The following CTDSP2 variants were observed in gnomAD, a reference collection of about 807,000 sequenced individuals.
CTDSP2 encodes carboxy-terminal domain RNA polymerase II polypeptide A small phosphatase 2.
CTDSP2 carries 9 observed loss-of-function variants against 31.6 expected under a neutral mutation model. The ratio of observed to expected loss-of-function variants is 0.28; its 90% CI spans 0.17 to 0.50. The LOEUF (loss-of-function observed/expected upper bound fraction) is 0.50. Ranked by LOEUF, CTDSP2 falls within the 20% of genes least tolerant of loss-of-function variation. CTDSP2 has a pLI of 0.98. For synonymous variants in CTDSP2, 134 were observed against 134.5 expected (o/e 1.00, Z 0.03); for missense variants, 267 against 348.5 (o/e 0.77, Z 1.86).
chr12:57,827,471 A>G, intron 3 of CTDSP2, 81 bp downstream of exon 3: 6 of 1,484,114 alleles, frequency 4.0e-6, no homozygotes, highest in Non-Finnish European at 5.6e-6. Context: ...ACCAAGGACT[A>G]TGCACATCAC....
intron 1 of CTDSP2, among the ~76,000 whole-genome samples, chr12:57,839,402 A>G (rs1205397567): frequency 6.6e-6 from 1 of 152,162 alleles, no homozygotes; most frequent in Non-Finnish European, 1.5e-5. Context: ...CACCTGAATC[A>G]TGAACTCAAA....
chr12:57,827,503 G>T lies in CTDSP2; in HGVS notation c.252+49C>A, dbSNP rs374269806. 12 of 1,602,814 alleles carry T rather than the reference G, an allele frequency of 7.5e-6. No homozygotes were observed. In the African/African-American group the frequency reaches 1.5e-4, roughly 20 times the overall value. On this transcript the variant is annotated intron_variant, in intron 3 of 7. Transcript: ENST00000398073. Reference sequence around the variant, plus strand: ...TCACCCTGCCCGTGGAGCTGGCAGGGATCACAGGATCCTGGCTTCTGAGTA... The same window carrying T: ...TCACCCTGCCCGTGGAGCTGGCAGGTATCACAGGATCCTGGCTTCTGAGTA...
Position 57,846,662 on chromosome 12 carries a change from T to TC in CTDSP2, c.-228dup. ...CTCCCCCGGGTGCCCCCGGCCCCGA[T>TC]CCCCCAGCGGCAGCTCCGGGCTCCT... On this transcript the variant is annotated 5_prime_UTR_variant, in exon 1 of 8. Coordinates refer to ENST00000398073, the MANE Select transcript of CTDSP2 (RefSeq NM_005730.4). 1 of 441,906 alleles carries TC rather than the reference T, an allele frequency of 2.3e-6. No homozygotes were observed. Among genetic ancestry groups the TC allele is most frequent in the East Asian group, 3.9e-5 (1 of 25,578 alleles). The allele number at this position is 441,906 out of a possible 1,614,324, so 27.4% of individuals were successfully genotyped here.
rs1956168994 is a variant in CTDSP2, at chr12:57,824,319, C to CT, written c.412-1_412insA (p.Val138SerfsTer11). ...ACATAAGGCCTCTTGAGCACATACA[C>CT]CTGAGGAAGAGCAGAGCAGCCTGTT... On this transcript the variant is annotated frameshift_variant and splice_region_variant. Transcript: ENST00000398073. LOFTEE classifies it high-confidence loss of function. The CT allele has an allele frequency of 6.2e-7, 1 of 1,612,696 alleles. No homozygotes were observed. The highest frequency in any genetic ancestry group is 1.1e-5 in the South Asian group (1 of 91,038).
chr12:57,840,332 G>A (rs924052943), intron 1 of CTDSP2, among the ~76,000 whole-genome samples: 14 of 152,324 alleles, frequency 9.2e-5, no homozygotes, highest in African/African-American at 3.1e-4. Context: ...GGGCTAGAAG[G>A]CAATTCAGCC....
At chr12:57,842,193 C>T (rs758143681) in intron 1 of CTDSP2, 3 of 152,156 alleles carry the variant, frequency 2.0e-5, no homozygotes, top group Admixed American at 6.5e-5. Flanking sequence ...TACACACAAT[C>T]CCATATATAT....
chr12:57,824,370 G>T, intron 5 of CTDSP2, 51 bp from the exon 6 acceptor site: 1 of 1,326,072 alleles, frequency 7.5e-7, no homozygotes, highest in Non-Finnish European at 1.1e-6. Flanking sequence ...ATGAAGGTTT[G>T]CAGTACTGGG....
In CTDSP2 at chr12:57,821,561, C is replaced by G. The variant is rs1305750784; in HGVS notation, c.*2041G>C. On this transcript the variant is annotated 3_prime_UTR_variant, in exon 8 of 8. Transcript: ENST00000398073. ...CAAAAGATTTGGCCAAGGGCTAACC[C>G]TTAGGGTGGGGCTTGGAAGAGAGGC... 1 of 152,634 alleles carries G rather than the reference C, an allele frequency of 6.6e-6. No homozygotes were observed. Among genetic ancestry groups the G allele is most frequent in the African/African-American group, 2.4e-5 (1 of 41,468 alleles). The allele number at this position is 152,634 out of a possible 1,614,324, so 9.5% of individuals were successfully genotyped here. A position where few individuals can be genotyped will look rare whatever the true frequency, so the allele number is the denominator to read the frequency against.
chr12:57,840,993 T>C (rs754943736), intron 1 of CTDSP2, among the ~76,000 whole-genome samples: 2 of 152,184 alleles, frequency 1.3e-5, no homozygotes, highest in Non-Finnish European at 2.9e-5. Flanking sequence ...GAAACTCCAT[T>C]CTATTTGGTC....
intron 5 of CTDSP2, among the ~76,000 whole-genome samples, chr12:57,825,183 C>T (rs1417335170): frequency 3.3e-5 from 5 of 152,108 alleles, no homozygotes; most frequent in Non-Finnish European, 5.9e-5. Context: ...GCATTACTCC[C>T]GAGCTCAAAG....
chr12:57,824,525 A>T, intron 5 of CTDSP2: 1 of 665,576 alleles, frequency 1.5e-6, no homozygotes, highest in Non-Finnish European at 2.8e-6. Flanking sequence ...CCAATGGATC[A>T]GTGGTCCCAA....
At chr12:57,842,931 GATAACAAAAGAGCTAGCC>G (rs375291954) in intron 1 of CTDSP2, among the ~76,000 whole-genome samples, 87 of 152,312 alleles carry the variant, frequency 5.7e-4, no homozygotes, top group African/African-American at 2.0e-3. Flanking sequence ...CCCTTATGCG[GATAACAAAAGAGCTAGCC>G]ATCCTGAAAA....
rs1956159989 is a variant in CTDSP2, at chr12:57,823,338, C to A, written c.*264G>T. On this transcript the variant is annotated 3_prime_UTR_variant, in exon 8 of 8. Coordinates refer to ENST00000398073, the MANE Select transcript of CTDSP2 (RefSeq NM_005730.4). ...AACACTATACACTGGGGCCACAGTTCATGGCAAAACACACACACAAACACA... is the reference window on the plus strand; with the variant it reads ...AACACTATACACTGGGGCCACAGTTAATGGCAAAACACACACACAAACACA... The A allele has an allele frequency of 2.0e-6, 1 of 502,024 alleles. No homozygotes were observed. The highest frequency in any genetic ancestry group is 3.6e-6 in the Non-Finnish European group (1 of 274,704). The allele number at this position is 502,024 out of a possible 1,614,324, so 31.1% of individuals were successfully genotyped here.
At position 57,824,315 on chromosome 12, in the gene CTDSP2, T is replaced by C. The variant is rs1441506759; in HGVS notation, c.416A>G (p.Tyr139Cys). 6.2e-7 allele frequency: 1 copy of C among 1,613,192 alleles called. No individual in the cohort carries two copies. Reference sequence around the variant, plus strand: ...ATCCACATAAGGCCTCTTGAGCACATACACCTGAGGAAGAGCAGAGCAGCC... The same window carrying C: ...ATCCACATAAGGCCTCTTGAGCACACACACCTGAGGAAGAGCAGAGCAGCC... ...IEIEGTTHQV[Y>C]VLKRPYVDEF... The change falls in exon 6 of 8, where the codon TAT becomes TGT. Residue 139 changes from tyrosine (Y) to cysteine (C), a missense_variant. Physicochemically the swap from Tyr to Cys is radical, Grantham distance 194. Coordinates refer to ENST00000398073, the MANE Select transcript of CTDSP2 (RefSeq NM_005730.4).
chr12:57,843,113 T>C (rs1378882315), intron 1 of CTDSP2, among the ~76,000 whole-genome samples: 1 of 152,132 alleles, frequency 6.6e-6, no homozygotes, highest in African/African-American at 2.4e-5. Flanking sequence ...AAAAAATCTC[T>C]GATTCCTCCA....
chr12:57,841,774 G>A (rs1303143801), intron 1 of CTDSP2, among the ~76,000 whole-genome samples: 1 of 152,198 alleles, frequency 6.6e-6, no homozygotes, highest in African/African-American at 2.4e-5. Context: ...GTCCTTGGGG[G>A]AATGGAGGAG....
At chr12:57,830,072 G>A (rs150861941) in intron 1 of CTDSP2, among the ~76,000 whole-genome samples, 4 of 152,272 alleles carry the variant, frequency 2.6e-5, no homozygotes, top group Non-Finnish European at 5.9e-5. Context: ...AGGCAGAACG[G>A]AGCCCAATTT....
intron 1 of CTDSP2, among the ~76,000 whole-genome samples, chr12:57,833,319 A>G (rs1275548724): frequency 6.6e-6 from 1 of 152,184 alleles, no homozygotes; most frequent in East Asian, 1.9e-4. Flanking sequence ...GGTCTTCTCA[A>G]AAACCCAATG....
chr12:57,840,640 T>C (rs1330118088), intron 1 of CTDSP2, among the ~76,000 whole-genome samples: 1 of 152,102 alleles, frequency 6.6e-6, no homozygotes, highest in East Asian at 1.9e-4. Flanking sequence ...GGGGCCATAT[T>C]TGTTCCCTGG....
Sources: gnomAD v4.1 joint callset for allele counts (sites outside exome capture counted in the v4.1 genomes callset) on GRCh38, gnomAD v4.1.1 for gene constraint, MANE v1.5 for transcripts, NCBI Gene and HGNC (gene_info 2026-07-23, HGNC 2026-07-21) for gene names.